Variants in CACNB4 observed in about 807,000 individuals in gnomAD.
The protein encoded by CACNB4 is voltage-dependent L-type calcium channel subunit beta-4.
In CACNB4, 32 loss-of-function variants were observed where a neutral mutation model predicts 71.2. That is an observed-to-expected ratio of 0.45 (90% CI 0.34 to 0.60). The LOEUF is 0.60. CACNB4 is among the 20% of genes least tolerant of loss of function. The pLI is 0.01. For synonymous variants in CACNB4, 231 were observed against 236.9 expected (o/e 0.97, Z 0.23); for missense variants, 464 against 647.9 (o/e 0.72, Z 3.08).
In CACNB4 at chr2:151,895,570, TACC is replaced by T. The variant is rs1210125049; in HGVS notation, c.148-12203_148-12201del. Among the ~76,000 whole-genome samples the T allele has an allele frequency of 3.3e-5, 5 of 152,154 alleles. No individual in the cohort carries two copies. In the South Asian group the frequency reaches 8.3e-4, roughly 25 times the overall value. ...ACAGATTTAAGTTCACTTTAAACCC[TACC>T]ATACAGCTTGAATTTTTACCTTCGG... On this transcript the variant is annotated intron_variant, in intron 2 of 13. Coordinates refer to ENST00000539935, the MANE Select transcript of CACNB4 (RefSeq NM_000726.5).
chr2:151,926,837 G>C (rs2099860369), intron 2 of CACNB4, among the ~76,000 whole-genome samples: 2 of 152,158 alleles, frequency 1.3e-5, no homozygotes, highest in South Asian at 4.1e-4. Context: ...TTATACTGAA[G>C]AGTGACAGGT....
intron 2 of CACNB4, chr2:151,971,315 T>A: frequency 1.7e-6 from 1 of 593,646 alleles, no homozygotes; most frequent in Non-Finnish European, 3.0e-6. Flanking sequence ...TAATCACTTA[T>A]CACAAGTTAA....
chr2:152,013,410 C>T (rs6736449), intron 2 of CACNB4, among the ~76,000 whole-genome samples: 1 of 151,858 alleles, frequency 6.6e-6, no homozygotes, highest in African/African-American at 2.4e-5. Context: ...ATTATGAATA[C>T]GGAATGTCAT....
chr2:151,920,862 G>C (rs548989942), intron 2 of CACNB4, among the ~76,000 whole-genome samples: 2 of 152,238 alleles, frequency 1.3e-5, no homozygotes, highest in South Asian at 4.1e-4. Context: ...CTTGAGGCCA[G>C]GCACGGTGAC....
intron 2 of CACNB4, chr2:151,967,844 CAAAA>C (rs1047827367): frequency 1.4e-5 from 2 of 147,062 alleles, no homozygotes; most frequent in African/African-American, 5.0e-5. Context: ...ATGACAGACA[CAAAA>C]GAAAAAAAAG....
chr2:152,028,940 A>G (rs1381879978), intron 2 of CACNB4, among the ~76,000 whole-genome samples: 2 of 152,238 alleles, frequency 1.3e-5, no homozygotes, highest in Non-Finnish European at 2.9e-5. Context: ...AGCTTTGAAG[A>G]AGAAAAATCC....
chr2:151,895,679 T>C (rs2099851877), intron 2 of CACNB4, among the ~76,000 whole-genome samples: 1 of 152,010 alleles, frequency 6.6e-6, no homozygotes, highest in Admixed American at 6.6e-5. Flanking sequence ...ATGCATATTT[T>C]TACAGAGTTA....
chr2:151,969,914 T>TA (rs1290087325), intron 2 of CACNB4: 1 of 152,198 alleles, frequency 6.6e-6, no homozygotes, highest in African/African-American at 2.4e-5. Flanking sequence ...TGAAAACACT[T>TA]AAAGACTATA....
intron 2 of CACNB4, among the ~76,000 whole-genome samples, chr2:151,935,775 T>G (rs1195921963): frequency 6.6e-6 from 1 of 152,252 alleles, no homozygotes; most frequent in Non-Finnish European, 1.5e-5. Flanking sequence ...GAAATAGCAT[T>G]GATAAGGCTA....
chr2:152,067,870 T>A (rs1686433535), intron 2 of CACNB4, among the ~76,000 whole-genome samples: 1 of 152,192 alleles, frequency 6.6e-6, no homozygotes, highest in Non-Finnish European at 1.5e-5. Context: ...GGGTCAATGG[T>A]AATTATAAGA....
intron 2 of CACNB4, among the ~76,000 whole-genome samples, chr2:152,012,944 G>T (rs1443943035): frequency 2.0e-5 from 3 of 152,152 alleles, no homozygotes; most frequent in Non-Finnish European, 4.4e-5. Context: ...AGCTCCATTT[G>T]CAATAAGTGC....
intron 2 of CACNB4, among the ~76,000 whole-genome samples, chr2:151,986,918 G>GT (rs570476246): frequency 2.4e-4 from 37 of 152,160 alleles, no homozygotes; most frequent in African/African-American, 8.4e-4. Flanking sequence ...TTCAGAGATT[G>GT]TTTTTTTCCC....
rs1364465600 is a variant in CACNB4 at position 151,874,874 on chromosome 2, T to C, written c.521+1552A>G. 1.0e-5 allele frequency: 4 copies of C among 397,724 alleles called. No individual in the cohort carries two copies. The East Asian group carries it at 1.4e-4, about 14-fold the overall frequency. 24.6% of individuals were successfully genotyped at this position (397,724 alleles called of 1,614,324 possible). A position where few individuals can be genotyped will look rare whatever the true frequency, so the allele number is the denominator to read the frequency against. ...CTGGGACCTTTAAATACCTGCACTC[T>C]GAGATCTACATGCCTACTTCAGTAG... On this transcript the variant is annotated intron_variant, in intron 5 of 13. Coordinates refer to ENST00000539935, the MANE Select transcript of CACNB4 (RefSeq NM_000726.5).
chr2:151,984,648 T>C (rs942007227), intron 2 of CACNB4, among the ~76,000 whole-genome samples: 1 of 152,172 alleles, frequency 6.6e-6, no homozygotes. Context: ...CATTCAGCCT[T>C]TGATGGTTGT....
At chr2:151,953,422 A>C (rs1287195671) in intron 2 of CACNB4, among the ~76,000 whole-genome samples, 1 of 152,222 alleles carries the variant, frequency 6.6e-6, no homozygotes, top group African/African-American at 2.4e-5. Flanking sequence ...TGTTTTAGGA[A>C]GACAGTCTAG....
chr2:152,085,150 G>A (rs1339108808), intron 2 of CACNB4, among the ~76,000 whole-genome samples: 5 of 152,098 alleles, frequency 3.3e-5, no homozygotes, highest in Non-Finnish European at 5.9e-5. Context: ...GCATGATCAA[G>A]GGAGTGGAGG....
intron 2 of CACNB4, among the ~76,000 whole-genome samples, chr2:151,998,865 G>A (rs150365962): frequency 7.2e-4 from 109 of 152,320 alleles, no homozygotes; most frequent in African/African-American, 2.5e-3. Context: ...ATGGATGTCT[G>A]AGCAGTGAGC....
At chr2:151,956,868 C>T (rs906970980) in intron 2 of CACNB4, among the ~76,000 whole-genome samples, 18 of 152,150 alleles carry the variant, frequency 1.2e-4, no homozygotes, top group African/African-American at 3.1e-4. Flanking sequence ...AATTTCCAGC[C>T]GGGCACAGTG....
chr2:152,054,236 C>A (rs540232320), intron 2 of CACNB4, among the ~76,000 whole-genome samples: 2 of 151,496 alleles, frequency 1.3e-5, no homozygotes, highest in Non-Finnish European at 2.9e-5. Context: ...CGTGGTGGCG[C>A]GCGCCTGTAG....
Sources: allele counts gnomAD v4.1 joint callset (sites outside exome capture counted in the v4.1 genomes callset), GRCh38; gene constraint gnomAD v4.1.1; transcripts MANE v1.5; gene names NCBI Gene and HGNC (gene_info 2026-07-23, HGNC 2026-07-21).